Variants in PGCKA1 observed in about 807,000 individuals in gnomAD.
PGCKA1 encodes PDCD10 and GCKIII kinases associated 1, also known as PDCD10 and GCKIII kinases-associated protein 1.
At chr4:37,493,792 T>C in the PGCKA1 span, among the ~76,000 whole-genome samples, 4 of 152,354 alleles carry the variant, frequency 2.6e-5, no homozygotes, top group South Asian at 8.3e-4. Context: ...GTAGTTTAGA[T>C]TTTTAGCTCC....
At chr4:37,561,460 G>A in the PGCKA1 span, among the ~76,000 whole-genome samples, 1 of 152,166 alleles carries the variant, frequency 6.6e-6, no homozygotes, top group Admixed American at 6.5e-5. Context: ...GATTGGGTGG[G>A]GTGAGAAGGC....
chr4:37,542,518 G>A, the PGCKA1 span, among the ~76,000 whole-genome samples: 1 of 152,104 alleles, frequency 6.6e-6, no homozygotes, highest in African/African-American at 2.4e-5. Flanking sequence ...TGTAAAAAAC[G>A]CCATTTAAGA....
At chr4:37,521,100 A>T in the PGCKA1 span, among the ~76,000 whole-genome samples, 4 of 151,322 alleles carry the variant, frequency 2.6e-5, no homozygotes, top group African/African-American at 9.7e-5. Flanking sequence ...TCTTCTACTA[A>T]TTTTGGATTT....
At chr4:37,554,777 A>G in the PGCKA1 span, among the ~76,000 whole-genome samples, 2 of 152,244 alleles carry the variant, frequency 1.3e-5, no homozygotes, top group East Asian at 3.8e-4. Flanking sequence ...GTAAGGAGGT[A>G]TGCCAATTGG....
chr4:37,527,221 C>CGT, the PGCKA1 span, among the ~76,000 whole-genome samples: 4 of 151,996 alleles, frequency 2.6e-5, no homozygotes, highest in African/African-American at 9.7e-5. Context: ...AGAGTCAAAA[C>CGT]GTTTTAGTAA....
At chr4:37,483,758 G>T in the PGCKA1 span, among the ~76,000 whole-genome samples, 2 of 152,114 alleles carry the variant, frequency 1.3e-5, no homozygotes, top group Non-Finnish European at 2.9e-5. Flanking sequence ...GAGCACCTAA[G>T]TCCAGGTGAA....
the PGCKA1 span, among the ~76,000 whole-genome samples, chr4:37,495,726 G>A: frequency 1.3e-5 from 2 of 152,120 alleles, no homozygotes; most frequent in Non-Finnish European, 1.5e-5. Context: ...GGCAAGGGGA[G>A]GGATAGCATT....
the PGCKA1 span, among the ~76,000 whole-genome samples, chr4:37,522,638 AT>A: frequency 0.2 from 30,083 of 151,666 alleles, 3,581 homozygotes; most frequent in African/African-American, 0.33. Flanking sequence ...TCAACATAGT[AT>A]CTGGGTATCA....
chr4:37,453,858 T>C, the PGCKA1 span: 2 of 152,154 alleles, frequency 1.3e-5, no homozygotes, highest in South Asian at 4.1e-4. Flanking sequence ...TCGGGAAGGC[T>C]CACCCGCAGC....
the PGCKA1 span, among the ~76,000 whole-genome samples, chr4:37,582,482 C>T: frequency 1.1e-4 from 16 of 152,214 alleles, no homozygotes; most frequent in Non-Finnish European, 1.8e-4. Flanking sequence ...CAATAACGAC[C>T]TTTTAGCAAG....
the PGCKA1 span, among the ~76,000 whole-genome samples, chr4:37,553,329 G>A: frequency 7.2e-6 from 1 of 138,322 alleles, no homozygotes; most frequent in African/African-American, 2.7e-5. Flanking sequence ...CATGGTTATT[G>A]TTATTTTGAC....
the PGCKA1 span, among the ~76,000 whole-genome samples, chr4:37,516,619 C>T: frequency 1.4e-4 from 21 of 152,292 alleles, no homozygotes; most frequent in Middle Eastern, 3.4e-3. Context: ...GCCTAAATCA[C>T]ACCACGAGCT....
the PGCKA1 span, among the ~76,000 whole-genome samples, chr4:37,538,067 TCACACACA>T: frequency 1.3e-5 from 2 of 150,218 alleles, no homozygotes; most frequent in South Asian, 2.1e-4. Flanking sequence ...CACAACCCTG[TCACACACA>T]CACACACACA....
At chr4:37,553,028 G>A in the PGCKA1 span, among the ~76,000 whole-genome samples, 1 of 137,112 alleles carries the variant, frequency 7.3e-6, no homozygotes, top group Non-Finnish European at 1.6e-5. Context: ...TATCTCTCAT[G>A]GCCTCATTTT....
chr4:37,539,004 T>C, the PGCKA1 span, among the ~76,000 whole-genome samples: 1 of 152,198 alleles, frequency 6.6e-6, no homozygotes, highest in African/African-American at 2.4e-5. Context: ...AATGATAATC[T>C]ATGCATACCC....
At chr4:37,571,234 CTCA>C in the PGCKA1 span, among the ~76,000 whole-genome samples, 4 of 151,854 alleles carry the variant, frequency 2.6e-5, no homozygotes, top group African/African-American at 9.7e-5. Flanking sequence ...CTCTAGAGTT[CTCA>C]TCCTGGGACT....
the PGCKA1 span, among the ~76,000 whole-genome samples, chr4:37,493,775 T>C: frequency 3.6e-3 from 554 of 152,284 alleles, 7 homozygotes; most frequent in East Asian, 0.034. Flanking sequence ...ACTCTCTGTG[T>C]CCATGAGTAG....
chr4:37,593,101 T>G, the PGCKA1 span, among the ~76,000 whole-genome samples: 1 of 152,246 alleles, frequency 6.6e-6, no homozygotes, highest in Admixed American at 6.5e-5. Context: ...AGATAAAGTC[T>G]TGGCATTGTT....
the PGCKA1 span, among the ~76,000 whole-genome samples, chr4:37,487,419 G>T: frequency 6.6e-6 from 1 of 152,108 alleles, no homozygotes; most frequent in Non-Finnish European, 1.5e-5. Flanking sequence ...GCAAACATCA[G>T]TTCATTTCAC....
Sources: allele counts gnomAD v4.1 joint callset (sites outside exome capture counted in the v4.1 genomes callset), GRCh38; gene constraint gnomAD v4.1.1; transcripts MANE v1.5; gene names NCBI Gene and HGNC (gene_info 2026-07-23, HGNC 2026-07-21).